The following ACOX3 variants were observed in gnomAD, a reference collection of about 807,000 sequenced individuals.
The protein encoded by ACOX3 is acyl-CoA oxidase 3, pristanoyl.
Under a neutral mutation model 81.5 loss-of-function variants are expected in ACOX3, and 73 were observed. The ratio of observed to expected loss-of-function variants is 0.90; its 90% CI spans 0.74 to 1.09. The LOEUF (loss-of-function observed/expected upper bound fraction) is 1.09, where lower values mean the gene tolerates loss of function less well. ACOX3 is among the 50% of genes least tolerant of loss of function. ACOX3 has a pLI of 0.00. For missense variants in ACOX3, 947 were observed against 928.0 expected, an observed-to-expected ratio of 1.02 and a Z score of -0.27; for synonymous variants, 387 against 375.1, an observed-to-expected ratio of 1.03 and a Z score of -0.37.
rs115776016 is a variant in ACOX3, at chr4:8,404,260, C to T, written c.776+1695G>A. ...TGCCAAGCGCCTCCCAGGCACCCTG[C>T]GAAAGTAGTCATTCAAGAGAACTGA... On this transcript the variant is annotated intron_variant, in intron 7 of 17. Transcript: ENST00000356406. Among the ~76,000 whole-genome samples the T allele has an allele frequency of 6.4e-3, 981 of 152,266 alleles. 9 individuals carry two copies. Among genetic ancestry groups the T allele is most frequent in the African/African-American group, 0.023 (936 of 41,556 alleles).
rs535368291 is a variant in ACOX3 at position 8,399,344 on chromosome 4, C to A, written c.873+212G>T. 7.9e-5 allele frequency among the ~76,000 whole-genome samples: 12 copies of A among 152,322 alleles called. No individual in the cohort carries two copies. In the South Asian group the frequency reaches 2.5e-3, roughly 32 times the overall value. On this transcript the variant is annotated intron_variant, in intron 8 of 17. Coordinates refer to ENST00000356406, the MANE Select transcript of ACOX3 (RefSeq NM_003501.3). This position sits in a 1 kb window ranked among gnomAD's most constrained non-coding sequence, Gnocchi z 4.9. ...GTGGGCATTGTAAGGCCCGGACTCA[C>A]CCCCTGGACACCAGCACCTGGTGCT...
Position 8,416,081 on chromosome 4 carries a change from C to A in ACOX3, c.145-82G>T. ...TGCCCTTATATAGTTGACCTCCAGGCCACAGGCTTCATGGGACACAGTCTG... is the reference window on the plus strand; with the variant it reads ...TGCCCTTATATAGTTGACCTCCAGGACACAGGCTTCATGGGACACAGTCTG... On this transcript the variant is annotated intron_variant, in intron 2 of 17. Transcript: ENST00000356406. This position sits in a 1 kb window ranked among gnomAD's most constrained non-coding sequence, Gnocchi z 4.2. The A allele has an allele frequency of 7.3e-7, 1 of 1,375,192 alleles. No individual in the cohort carries two copies. The allele number at this position is 1,375,192 out of a possible 1,614,324, so 85.2% of individuals were successfully genotyped here.
chr4:8,405,456 T>C lies in ACOX3; in HGVS notation c.776+499A>G, dbSNP rs866863186. Among the ~76,000 whole-genome samples the C allele has an allele frequency of 6.6e-6, 1 of 152,120 alleles. No individual in the cohort carries two copies. Among genetic ancestry groups the C allele is most frequent in the Non-Finnish European group, 1.5e-5 (1 of 68,032 alleles). On this transcript the variant is annotated intron_variant, in intron 7 of 17. Transcript: ENST00000356406. The surrounding 1 kb of genome is among the most constrained non-coding windows in gnomAD (Gnocchi z 7.1). ...TCACATGTGTGCTGCTAAATAGATA[T>C]ATGTGGGCTGATTAAACAAATAAGC...
At chr4:8,358,507 G>A in the ACOX3 span, among the ~76,000 whole-genome samples, 7 of 152,174 alleles carry the variant, frequency 4.6e-5, no homozygotes, top group African/African-American at 1.7e-4. Context: ...TATGAGCTGG[G>A]TAAAATGAGG....
the ACOX3 span, chr4:8,355,773 T>C: frequency 6.6e-6 from 1 of 152,290 alleles, no homozygotes; most frequent in Non-Finnish European, 1.5e-5. Context: ...AATAATGATT[T>C]ACAGTGAATA....
chr4:8,413,063 A>G (rs1391996529), intron 5 of ACOX3, among the ~76,000 whole-genome samples: 3 of 92,920 alleles, frequency 3.2e-5, no homozygotes, highest in Admixed American at 1.3e-4. Context: ...ATCTCCCTCC[A>G]CCCCGCACCC....
chr4:8,367,407 TGG>T (rs534807487), intron 17 of ACOX3, among the ~76,000 whole-genome samples: 214 of 152,072 alleles, frequency 1.4e-3, no homozygotes, highest in Middle Eastern at 0.014. Flanking sequence ...CACTTGAACC[TGG>T]GAGGTAGAGG....
chr4:8,383,961 C>A (rs2108833989), intron 13 of ACOX3, among the ~76,000 whole-genome samples: 1 of 152,298 alleles, frequency 6.6e-6, no homozygotes, highest in Non-Finnish European at 1.5e-5. Context: ...GTGCAAATTC[C>A]TTCTGACCAC....
At position 8,374,997 on chromosome 4, in the gene ACOX3, G is replaced by C. The variant is rs906746098; in HGVS notation, c.1809C>G (p.His603Gln). The C allele has an allele frequency of 5.9e-6, 9 of 1,532,772 alleles. No individual in the cohort carries two copies. The highest frequency in any genetic ancestry group is 7.9e-6 in the Non-Finnish European group (9 of 1,133,088). The allele number at this position is 1,532,772 out of a possible 1,614,324, so 94.9% of individuals were successfully genotyped here. A position where few individuals can be genotyped will look rare whatever the true frequency, so the allele number is the denominator to read the frequency against. ...ALYALWSLSRHAALLYRGGYF... is the reference protein window; with the variant it reads ...ALYALWSLSRQAALLYRGGYF... ...CCTCACCTCGGTAGAGCAGGGCCGC[G>C]TGGCGGCTCAGGGACCACAGGGCGT... Residue 603 changes from histidine to glutamine, a missense_variant, in exon 15 of 18, where the codon CAC becomes CAG. By Grantham distance (24) the His-to-Gln change is conservative (BLOSUM62 0). Coordinates refer to ENST00000356406, the MANE Select transcript of ACOX3 (RefSeq NM_003501.3).
chr4:8,440,006 A>T (rs1724507752), intron 1 of ACOX3, among the ~76,000 whole-genome samples: 1 of 150,224 alleles, frequency 6.7e-6, no homozygotes. Flanking sequence ...TAAAAAAAAT[A>T]ATAATAATAA....
Position 8,437,410 on chromosome 4 carries a change from G to A in ACOX3, c.-15+3238C>T, listed in dbSNP as rs1318363389. Among the ~76,000 whole-genome samples, 1 of 152,116 alleles carries A rather than the reference G, an allele frequency of 6.6e-6. No homozygotes were observed. The highest frequency in any genetic ancestry group is 1.5e-5 in the Non-Finnish European group (1 of 68,012). ...AAGAGAAGAGCAAAACAAAAAGAAA[G>A]ACTCACAGTAAGTGTAAAAAAGAGA... On this transcript the variant is annotated intron_variant, in intron 1 of 17. Coordinates refer to ENST00000356406, the MANE Select transcript of ACOX3 (RefSeq NM_003501.3). The surrounding 1 kb of genome is among the most constrained non-coding windows in gnomAD (Gnocchi z 5.2).
Position 8,422,189 on chromosome 4 carries a change from A to G in ACOX3, c.-14-5654T>C, listed in dbSNP as rs148033149. Among the ~76,000 whole-genome samples the G allele has an allele frequency of 1.1e-3, 171 of 152,192 alleles. 2 individuals carry two copies. Among genetic ancestry groups the G allele is most frequent in the African/African-American group, 3.9e-3 (163 of 41,508 alleles). The stretch of plus-strand genomic sequence containing the variant: ...AGAGAAGAGAGAGAAAGAAAGAGAG[A>G]GGGGGGAAGAAAGGCAGAAAGTCAA... On this transcript the variant is annotated intron_variant, in intron 1 of 17. Transcript: ENST00000356406.
chr4:8,406,103 C>G lies in ACOX3; in HGVS notation c.688-60G>C. ...TGTTACAATCACACAAAAATCAAAA[C>G]AAATGTGTTCAGAAACCCACAGGGT... On this transcript the variant is annotated intron_variant, in intron 6 of 17. Transcript: ENST00000356406. This position sits in a 1 kb window ranked among gnomAD's most constrained non-coding sequence, Gnocchi z 5.6. 2 of 1,546,364 alleles carry G rather than the reference C, an allele frequency of 1.3e-6. No homozygotes were observed.
chr4:8,388,573 A>G (rs1397471217), intron 13 of ACOX3, among the ~76,000 whole-genome samples: 1 of 152,228 alleles, frequency 6.6e-6, no homozygotes, highest in Non-Finnish European at 1.5e-5. Context: ...CGTGTGGGTG[A>G]GGCGGAGCCT....
At chr4:8,371,044 GGT>G in intron 16 of ACOX3, 50 bp from the exon 17 acceptor site, 1 of 1,569,274 alleles carries the variant, frequency 6.4e-7, no homozygotes, top group Non-Finnish European at 8.8e-7. Context: ...GAATTTCCAT[GGT>G]GACCAAAGCA....
rs545808136 is a variant in ACOX3 at position 8,422,938 on chromosome 4, C to T, written c.-14-6403G>A. Among the ~76,000 whole-genome samples, 146 of 152,178 alleles carry T rather than the reference C, an allele frequency of 9.6e-4. 5 individuals carry two copies. The South Asian group carries it at 0.029, about 31-fold the overall frequency. On this transcript the variant is annotated intron_variant, in intron 1 of 17. Coordinates refer to ENST00000356406, the MANE Select transcript of ACOX3 (RefSeq NM_003501.3). ...AGGGAATCACTGGAAGGCCCACTGC[C>T]CCAGGGGATGAAGGTCCTTTCAGTC...
the ACOX3 span, chr4:8,357,117 G>A: frequency 4.4e-6 from 2 of 456,664 alleles, no homozygotes; most frequent in Non-Finnish European, 8.8e-6. Context: ...GAGCAGAATG[G>A]TGCATGCTAA....
At chr4:8,398,550 T>C (rs984713141) in intron 8 of ACOX3, among the ~76,000 whole-genome samples, 1 of 152,202 alleles carries the variant, frequency 6.6e-6, no homozygotes, top group Non-Finnish European at 1.5e-5. Context: ...GATGCAATCA[T>C]AGCTCACTGC....
At chr4:8,363,419 A>G (rs2108769998), downstream of ACOX3, among the ~76,000 whole-genome samples, 1 of 152,352 alleles carries the variant, frequency 6.6e-6, no homozygotes, top group East Asian at 1.9e-4. Flanking sequence ...TCACCATTCC[A>G]AGGCTTTCTG....
Sources: gnomAD v4.1 joint callset for allele counts (sites outside exome capture counted in the v4.1 genomes callset) on GRCh38, gnomAD v4.1.1 for gene constraint, Gnocchi (gnomAD v3.1) non-coding constraint, MANE v1.5 for transcripts, NCBI Gene and HGNC (gene_info 2026-07-23, HGNC 2026-07-21) for gene names.